PCDH15: variants seen among roughly 807,000 people sequenced by gnomAD.
PCDH15 encodes the protein protocadherin-15.
In PCDH15, 129 loss-of-function variants were observed where a neutral mutation model predicts 178.5. The observed-to-expected ratio is 0.72, with a 90% CI of 0.63 to 0.84. PCDH15 has a LOEUF of 0.84. Among genes scored for constraint, PCDH15 ranks in the 40% least tolerant of loss-of-function variants. The probability of loss-of-function intolerance (pLI) is 0.00; values close to 1 mark genes in which losing one functional copy is unlikely to be tolerated. For synonymous variants in PCDH15, 800 were observed against 732.0 expected (o/e 1.09, Z -1.50); for missense variants, 2,230 against 2,099.9 (o/e 1.06, Z -1.21).
chr10:55,122,646 T>C (rs1837798925), intron 2 of PCDH15, among the ~76,000 whole-genome samples: 1 of 152,070 alleles, frequency 6.6e-6, no homozygotes, highest in Admixed American at 6.6e-5. Flanking sequence ...ATAGAAAACA[T>C]AGTTGGAAAT....
At chr10:55,089,127 AT>A (rs1188930817) in intron 2 of PCDH15, among the ~76,000 whole-genome samples, 1 of 152,176 alleles carries the variant, frequency 6.6e-6, no homozygotes, top group Non-Finnish European at 1.5e-5. Context: ...TCCTTCAAGT[AT>A]TTTTAAATTG....
rs375466348 is a variant in PCDH15, at chr10:55,358,746, AC to A, written c.-155-192096del. On this transcript the variant is annotated intron_variant, in intron 2 of 5. Coordinates refer to the PCDH15 transcript ENST00000613346. ...TTAACAGTTACTGCCACCCACTGACACCGCAACTACATTCTGAATGTTGAAA... is the reference window on the plus strand; with the variant it reads ...TTAACAGTTACTGCCACCCACTGACACGCAACTACATTCTGAATGTTGAAA... Among the ~76,000 whole-genome samples, 783 of 152,224 alleles carry A rather than the reference AC, an allele frequency of 5.1e-3. 11 individuals are homozygous for A. The highest frequency in any genetic ancestry group is 0.018 in the African/African-American group (737 of 41,532).
At chr10:55,506,506 G>A (rs1013773513) in intron 2 of PCDH15, among the ~76,000 whole-genome samples, 2 of 151,482 alleles carry the variant, frequency 1.3e-5, no homozygotes, top group African/African-American at 4.8e-5. Flanking sequence ...ATAAGAAAGT[G>A]TATTTGATTG....
chr10:54,312,016 T>C (rs1000486407), intron 8 of PCDH15, among the ~76,000 whole-genome samples: 7 of 152,064 alleles, frequency 4.6e-5, no homozygotes, highest in Admixed American at 4.6e-4. Flanking sequence ...CACATCAACA[T>C]AGGTGAACAG....
chr10:55,612,219 A>G (rs546057605), intron 2 of PCDH15, among the ~76,000 whole-genome samples: 1 of 152,202 alleles, frequency 6.6e-6, no homozygotes, highest in African/African-American at 2.4e-5. Context: ...GAGTTGAAAG[A>G]TATGTTAATT....
intron 2 of PCDH15, among the ~76,000 whole-genome samples, chr10:55,585,521 C>CA (rs1842709685): frequency 1.3e-5 from 2 of 152,016 alleles, no homozygotes; most frequent in Middle Eastern, 3.4e-3. Context: ...ATTAAAAACA[C>CA]AAAAAATTAG....
chr10:54,824,866 T>C (rs1953099784), intron 3 of PCDH15, among the ~76,000 whole-genome samples: 1 of 152,142 alleles, frequency 6.6e-6, no homozygotes, highest in African/African-American at 2.4e-5. Context: ...AAAAGCCTAC[T>C]TCTTTTATTT....
intron 3 of PCDH15, among the ~76,000 whole-genome samples, chr10:54,507,052 T>C (rs1380586291): frequency 2.0e-5 from 3 of 151,944 alleles, no homozygotes; most frequent in Non-Finnish European, 2.9e-5. Flanking sequence ...GCCTTTAGGA[T>C]TCCTTTAATA....
chr10:54,070,041 C>T (rs2094209848), intron 17 of PCDH15, among the ~76,000 whole-genome samples: 1 of 152,136 alleles, frequency 6.6e-6, no homozygotes, highest in South Asian at 2.1e-4. Context: ...ACTTATAATT[C>T]CACTAGCTGG....
chr10:54,743,500 A>G (rs1261999288), intron 1 of PCDH15, among the ~76,000 whole-genome samples: 1 of 152,068 alleles, frequency 6.6e-6, no homozygotes, highest in Non-Finnish European at 1.5e-5. Flanking sequence ...CCATAATCGG[A>G]GAAAAAAGTT....
At chr10:54,083,373 C>T (rs11004049) in intron 16 of PCDH15, among the ~76,000 whole-genome samples, 50,118 of 152,120 alleles carry the variant, frequency 0.33, 9,005 homozygotes, top group Middle Eastern at 0.46. Context: ...AGAAAAACAG[C>T]TTAAACGTCT....
chr10:55,418,909 G>C (rs1211715628), intron 2 of PCDH15, among the ~76,000 whole-genome samples: 3 of 150,946 alleles, frequency 2.0e-5, no homozygotes, highest in Non-Finnish European at 4.4e-5. Flanking sequence ...GGAAGAGTTG[G>C]AGAATGCTGT....
intron 3 of PCDH15, among the ~76,000 whole-genome samples, chr10:54,423,401 A>T (rs1955804188): frequency 6.6e-6 from 1 of 151,806 alleles, no homozygotes; most frequent in African/African-American, 2.4e-5. Flanking sequence ...AACGAAAGGG[A>T]GTTAGGTGAG....
At chr10:55,025,632 C>A (rs7924112) in intron 2 of PCDH15, among the ~76,000 whole-genome samples, 86,350 of 151,644 alleles carry the variant, frequency 0.57, 24,909 homozygotes, top group East Asian at 0.75. Flanking sequence ...GACCTTTATA[C>A]ATATTGGAGG....
intron 21 of PCDH15, among the ~76,000 whole-genome samples, chr10:53,971,941 T>C (rs988795345): frequency 7.5e-5 from 10 of 132,680 alleles, no homozygotes; most frequent in African/African-American, 2.8e-4. Flanking sequence ...AAAACTACTT[T>C]AAATTTCATA....
chr10:54,572,078 A>G (rs74136215), intron 2 of PCDH15, among the ~76,000 whole-genome samples: 2,536 of 152,288 alleles, frequency 0.017, 26 homozygotes, highest in Middle Eastern at 0.037. Context: ...GATACTACTC[A>G]GGTTTCTTAT....
intron 1 of PCDH15, among the ~76,000 whole-genome samples, chr10:54,794,453 A>C (rs919218108): frequency 1.3e-5 from 2 of 151,864 alleles, no homozygotes; most frequent in Admixed American, 1.3e-4. Context: ...TTTTCAATAA[A>C]CCTTATAAAT....
chr10:53,871,454 G>GTGTA (rs750119317), intron 26 of PCDH15, among the ~76,000 whole-genome samples: 1 of 143,648 alleles, frequency 7.0e-6, no homozygotes, highest in Non-Finnish European at 1.5e-5. Flanking sequence ...ATTCATACGT[G>GTGTA]TGTGTGTGTG....
Position 53,822,748 on chromosome 10 carries a change from A to G in PCDH15, c.4368-2518T>C. On this transcript the variant is annotated intron_variant, in intron 32 of 37. Transcript: ENST00000644397. Reference sequence around the variant, plus strand: ...TGAGGCCTGGGAAAGCAAAATGAAGAGTCTGAAGAGAGAGATTTCAACTGT... The same window carrying G: ...TGAGGCCTGGGAAAGCAAAATGAAGGGTCTGAAGAGAGAGATTTCAACTGT... The G allele has an allele frequency of 6.2e-7, 1 of 1,614,104 alleles. No homozygotes were observed. The highest frequency in any genetic ancestry group is 8.5e-7 in the Non-Finnish European group (1 of 1,179,976).
Sources: allele counts gnomAD v4.1 joint callset (sites outside exome capture counted in the v4.1 genomes callset), GRCh38; gene constraint gnomAD v4.1.1; transcripts MANE v1.5; gene names NCBI Gene and HGNC (gene_info 2026-07-23, HGNC 2026-07-21).